The following JAM2 variants were observed in gnomAD, a reference collection of about 807,000 sequenced individuals.
JAM2 encodes junctional adhesion molecule B.
A neutral mutation model predicts 42.0 loss-of-function variants in JAM2; 17 were observed. The observed-to-expected ratio is 0.40, with a 90% CI of 0.28 to 0.61. The LOEUF is 0.61. Among genes scored for constraint, JAM2 ranks in the 20% least tolerant of loss-of-function variants. The pLI is 0.37. For missense variants in JAM2, 319 were observed against 358.3 expected (o/e 0.89, Z 0.89); for synonymous variants, 118 against 128.6 (o/e 0.92, Z 0.56).
chr21:25,647,097 C>T (rs923635751), intron 1 of JAM2, among the ~76,000 whole-genome samples: 6 of 152,172 alleles, frequency 3.9e-5, no homozygotes, highest in Admixed American at 1.3e-4. Context: ...TTTTACTCTT[C>T]GCTTTCTTCA....
chr21:25,712,080 C>A, intron 8 of JAM2: 1 of 399,264 alleles, frequency 2.5e-6, no homozygotes, highest in Non-Finnish European at 4.6e-6. Flanking sequence ...GTGTATTCCA[C>A]AAAAATCTTT....
chr21:25,695,305 A>G (rs369952606), intron 4 of JAM2, among the ~76,000 whole-genome samples: 5 of 152,372 alleles, frequency 3.3e-5, no homozygotes, highest in East Asian at 1.9e-4. Flanking sequence ...GGGTAATGTT[A>G]TAGATTAACA....
intron 1 of JAM2, among the ~76,000 whole-genome samples, chr21:25,658,474 A>G (rs143072710): frequency 6.6e-6 from 1 of 152,276 alleles, no homozygotes; most frequent in Non-Finnish European, 1.5e-5. Flanking sequence ...AAAAACATGG[A>G]GAAGATTAGT....
At chr21:25,663,662 G>A (rs753920203) in intron 1 of JAM2, among the ~76,000 whole-genome samples, 1 of 152,072 alleles carries the variant, frequency 6.6e-6, no homozygotes, top group Non-Finnish European at 1.5e-5. Context: ...CACTGAGCCC[G>A]CTCACCCTGT....
chr21:25,666,315 T>TTTATTA (rs35684752), intron 1 of JAM2, among the ~76,000 whole-genome samples: 3,340 of 146,574 alleles, frequency 0.023, 105 homozygotes, highest in African/African-American at 0.077. Context: ...TGTTACGGCT[T>TTTATTA]TTATTATTAT....
chr21:25,684,824 C>G (rs906167057), intron 2 of JAM2, among the ~76,000 whole-genome samples: 4 of 152,122 alleles, frequency 2.6e-5, no homozygotes, highest in Non-Finnish European at 1.5e-5. Flanking sequence ...TCTTGTACTC[C>G]TGGGCTCAAG....
At chr21:25,680,982 G>A (rs2033618395) in intron 1 of JAM2, among the ~76,000 whole-genome samples, 1 of 152,192 alleles carries the variant, frequency 6.6e-6, no homozygotes, top group Non-Finnish European at 1.5e-5. Flanking sequence ...AGACTGAAAA[G>A]TGTCCGTTAG....
In JAM2 at chr21:25,689,869, C is replaced by A. The variant is rs1440668754; in HGVS notation, c.137C>A (p.Ala46Asp). The change falls in exon 3 of 10, where the codon GCT becomes GAT. Residue 46 changes from alanine (A) to aspartate (D), a missense_variant. Physicochemically the swap from Ala to Asp is moderately radical, Grantham distance 126. Transcript: ENST00000480456. ...GTATTTTTATTGTTGTTCCTAGAGG[C>A]TATTTTAGCCTGCAAAACCCCAAAG... The part of the protein sequence containing the change: ...QVVTAVEYQE[A>D]ILACKTPKKT... 1.3e-6 allele frequency: 2 copies of A among 1,600,004 alleles called. No homozygotes were observed. Among genetic ancestry groups the A allele is most frequent in the Admixed American group, 1.7e-5 (1 of 59,966 alleles).
intron 5 of JAM2, 25 bp from the exon 6 acceptor site, chr21:25,702,145 A>C (rs769909414): frequency 7.6e-7 from 1 of 1,313,796 alleles, no homozygotes; most frequent in African/African-American, 1.4e-5. Flanking sequence ...GGCTTAAAAA[A>C]ATATATTTTT....
intron 2 of JAM2, 106 bp from the exon 3 acceptor site, chr21:25,689,760 C>A: frequency 7.1e-6 from 5 of 700,218 alleles, no homozygotes; most frequent in Non-Finnish European, 4.9e-6. Context: ...ATGAATAAAA[C>A]TATAAAGGAG....
chr21:25,690,305 TCTTCCTTC>T (rs138850947), intron 3 of JAM2, among the ~76,000 whole-genome samples: 5 of 150,536 alleles, frequency 3.3e-5, no homozygotes, highest in Admixed American at 2.7e-4. Context: ...TCTTTCTTTC[TCTTCCTTC>T]CTTCCTTCCT....
intron 2 of JAM2, among the ~76,000 whole-genome samples, chr21:25,687,428 G>A (rs773846418): frequency 6.6e-6 from 1 of 152,196 alleles, no homozygotes; most frequent in South Asian, 2.1e-4. Context: ...ATGTTATAGC[G>A]CAATAACCCT....
intron 1 of JAM2, among the ~76,000 whole-genome samples, chr21:25,657,210 C>G (rs150467931): frequency 6.6e-6 from 1 of 152,054 alleles, no homozygotes; most frequent in African/African-American, 2.4e-5. Context: ...GATGAGTTCT[C>G]ACTATGTTGT....
intron 4 of JAM2, among the ~76,000 whole-genome samples, chr21:25,695,133 C>T (rs949837120): frequency 4.6e-5 from 7 of 152,068 alleles, no homozygotes; most frequent in African/African-American, 1.7e-4. Context: ...TGCGGCCTTC[C>T]GCAGTGTTTG....
intron 1 of JAM2, among the ~76,000 whole-genome samples, chr21:25,667,501 A>G (rs2033253453): frequency 6.6e-6 from 1 of 152,230 alleles, no homozygotes; most frequent in Admixed American, 6.5e-5. Context: ...GCATATTGTT[A>G]TAATTGTTCT....
chr21:25,714,720 A>G lies in JAM2; in HGVS notation c.*48A>G, dbSNP rs1385348415. 11 of 1,218,788 alleles carry G rather than the reference A, an allele frequency of 9.0e-6. No individual in the cohort carries two copies. The highest frequency in any genetic ancestry group is 1.1e-5 in the Non-Finnish European group (10 of 879,942). The allele number at this position is 1,218,788 out of a possible 1,614,324, so 75.5% of individuals were successfully genotyped here. A position where few individuals can be genotyped will look rare whatever the true frequency, so the allele number is the denominator to read the frequency against. ...CAAAGCCACCGTTGTTACACAAGTTATTAAACTATTATAAAACTCTGCTTT... is the reference window on the plus strand; with the variant it reads ...CAAAGCCACCGTTGTTACACAAGTTGTTAAACTATTATAAAACTCTGCTTT... On this transcript the variant is annotated 3_prime_UTR_variant, in exon 10 of 10. Transcript: ENST00000480456.
chr21:25,690,996 A>G (rs2033868258), intron 3 of JAM2, among the ~76,000 whole-genome samples: 2 of 152,236 alleles, frequency 1.3e-5, no homozygotes, highest in Non-Finnish European at 2.9e-5. Context: ...GAAACAAGAT[A>G]AACCATGCAT....
At chr21:25,664,342 T>C (rs1046081291) in intron 1 of JAM2, among the ~76,000 whole-genome samples, 9 of 152,198 alleles carry the variant, frequency 5.9e-5, no homozygotes, top group Admixed American at 2.0e-4. Context: ...TTCAAGTGAT[T>C]GTCCTGCCTC....
intron 1 of JAM2, among the ~76,000 whole-genome samples, chr21:25,658,325 A>G (rs1427982273): frequency 1.3e-5 from 2 of 152,188 alleles, no homozygotes; most frequent in African/African-American, 4.8e-5. Context: ...AATTATTTAT[A>G]TATATATATT....
Sources: allele counts gnomAD v4.1 joint callset (sites outside exome capture counted in the v4.1 genomes callset), GRCh38; gene constraint gnomAD v4.1.1; transcripts MANE v1.5; gene names NCBI Gene and HGNC (gene_info 2026-07-23, HGNC 2026-07-21).